Variants in CHRNA7 observed in about 807,000 individuals in gnomAD.
The protein encoded by CHRNA7 is neuronal acetylcholine receptor subunit alpha-7.
Under a neutral mutation model 48.0 loss-of-function variants are expected in CHRNA7, and 17 were observed. The observed-to-expected ratio is 0.35, with a 90% CI of 0.24 to 0.53. CHRNA7 has a LOEUF of 0.53. CHRNA7 is among the 20% of genes least tolerant of loss of function. CHRNA7 has a pLI of 0.92. For synonymous variants in CHRNA7, 75 were observed against 242.3 expected (o/e 0.31, Z 6.41); for missense variants, 155 against 577.7 (o/e 0.27, Z 7.50).
At chr15:32,136,628 T>C (rs564463536) in intron 4 of CHRNA7, among the ~76,000 whole-genome samples, 2 of 152,172 alleles carry the variant, frequency 1.3e-5, no homozygotes, top group Non-Finnish European at 2.9e-5. Context: ...GACGTCAGCT[T>C]TAAGTGAAAT....
At chr15:32,136,672 C>A (rs1159871323) in intron 4 of CHRNA7, among the ~76,000 whole-genome samples, 1 of 151,980 alleles carries the variant, frequency 6.6e-6, no homozygotes, top group Non-Finnish European at 1.5e-5. Context: ...AACCACCAGA[C>A]CAGACACATT....
chr15:32,104,272 G>GC (rs908692238), intron 3 of CHRNA7, among the ~76,000 whole-genome samples: 22 of 150,924 alleles, frequency 1.5e-4, no homozygotes, highest in South Asian at 6.3e-4. Flanking sequence ...CCGAGCCCGT[G>GC]CCCCCCCCTC....
intron 4 of CHRNA7, among the ~76,000 whole-genome samples, chr15:32,147,507 C>T (rs1057146715): frequency 6.6e-6 from 1 of 152,116 alleles, no homozygotes; most frequent in Non-Finnish European, 1.5e-5. Flanking sequence ...GAGCCACGAT[C>T]GCACCACTGC....
intron 4 of CHRNA7, among the ~76,000 whole-genome samples, chr15:32,126,841 T>C (rs1008929602): frequency 4.6e-5 from 7 of 152,192 alleles, no homozygotes; most frequent in Non-Finnish European, 8.8e-5. Context: ...CTTAAATAAC[T>C]CTAGTGTAAT....
At chr15:32,083,476 A>G (rs907829433) in intron 2 of CHRNA7, among the ~76,000 whole-genome samples, 5 of 152,218 alleles carry the variant, frequency 3.3e-5, no homozygotes, top group African/African-American at 1.2e-4. Context: ...AAAACAGACC[A>G]AGACACTTTA....
At chr15:32,096,597 A>G (rs952143375) in intron 2 of CHRNA7, among the ~76,000 whole-genome samples, 1 of 151,820 alleles carries the variant, frequency 6.6e-6, no homozygotes, top group African/African-American at 2.4e-5. Context: ...GGTTAGGTCT[A>G]TTGTTATGTT....
chr15:32,052,515 G>C (rs182935374), intron 2 of CHRNA7, among the ~76,000 whole-genome samples: 2 of 152,204 alleles, frequency 1.3e-5, no homozygotes. Flanking sequence ...TAGATCACAA[G>C]GTCAAGAGAT....
chr15:32,075,249 T>G (rs2050119587), intron 2 of CHRNA7, among the ~76,000 whole-genome samples: 1 of 152,224 alleles, frequency 6.6e-6, no homozygotes, highest in African/African-American at 2.4e-5. Flanking sequence ...TGTTTCCTCT[T>G]TCAAATTGTG....
intron 2 of CHRNA7, among the ~76,000 whole-genome samples, chr15:32,067,172 G>T (rs528570006): frequency 1.3e-5 from 2 of 152,184 alleles, no homozygotes; most frequent in African/African-American, 4.8e-5. Context: ...GTACACATCC[G>T]TAAAGCTTAA....
Position 32,030,632 on chromosome 15 carries a change from C to T in CHRNA7, c.38C>T (p.Ala13Val), listed in dbSNP as rs867720612. The stretch of plus-strand genomic sequence containing the variant: ...CCGGGAGGCGTCTGGCTGGCGCTGG[C>T]CGCGTCGCTCCTGCACGGTAAAGCC... ...CSPGGVWLAL[A>V]ASLLHVSLQG... Residue 13 changes from alanine to valine, a missense_variant, in exon 1 of 10, where the codon GCC becomes GTC. By Grantham distance (64) the Ala-to-Val change is moderately conservative. Transcript: ENST00000306901. The T allele has an allele frequency of 1.9e-6, 3 of 1,571,282 alleles. No individual in the cohort carries two copies. Among genetic ancestry groups the T allele is most frequent in the South Asian group, 1.2e-5 (1 of 86,028 alleles).
At chr15:32,146,999 A>G (rs960059402) in intron 4 of CHRNA7, among the ~76,000 whole-genome samples, 1 of 152,240 alleles carries the variant, frequency 6.6e-6, no homozygotes, top group East Asian at 1.9e-4. Flanking sequence ...TGGGTCAGGG[A>G]TAGACATGTA....
chr15:32,152,506 C>T (rs779413352), intron 4 of CHRNA7, among the ~76,000 whole-genome samples: 8 of 152,086 alleles, frequency 5.3e-5, no homozygotes, highest in Non-Finnish European at 1.2e-4. Context: ...CGCGGGAGGC[C>T]GAGAGAGTGC....
At chr15:32,045,250 T>G (rs1220656295) in intron 2 of CHRNA7, among the ~76,000 whole-genome samples, 1 of 152,188 alleles carries the variant, frequency 6.6e-6, no homozygotes, top group Non-Finnish European at 1.5e-5. Context: ...TGTTACATGG[T>G]CTGTGCTCCT....
At chr15:32,109,301 C>T (rs2050724149) in intron 3 of CHRNA7, among the ~76,000 whole-genome samples, 1 of 152,106 alleles carries the variant, frequency 6.6e-6, no homozygotes, top group African/African-American at 2.4e-5. Flanking sequence ...TGAGGATGAC[C>T]AGAGGTCACT....
At chr15:32,133,124 A>G (rs546577001) in intron 4 of CHRNA7, among the ~76,000 whole-genome samples, 1 of 152,304 alleles carries the variant, frequency 6.6e-6, no homozygotes, top group African/African-American at 2.4e-5. Context: ...CCCTTTCCTC[A>G]TAGGGATGAA....
intron 4 of CHRNA7, among the ~76,000 whole-genome samples, chr15:32,128,419 A>G (rs1197055969): frequency 6.6e-6 from 1 of 151,774 alleles, no homozygotes; most frequent in Admixed American, 6.6e-5. Flanking sequence ...TGATCATGGT[A>G]TGTCCCTCTT....
chr15:32,124,099 C>G (rs1220752567), intron 4 of CHRNA7, among the ~76,000 whole-genome samples: 1 of 151,904 alleles, frequency 6.6e-6, no homozygotes, highest in Non-Finnish European at 1.5e-5. Flanking sequence ...AAAACAGACT[C>G]CTAGATGGGT....
At chr15:32,124,835 G>A (rs905541923) in intron 4 of CHRNA7, among the ~76,000 whole-genome samples, 1 of 152,196 alleles carries the variant, frequency 6.6e-6, no homozygotes, top group African/African-American at 2.4e-5. Flanking sequence ...TATAAGAAGA[G>A]ACACAAGGGC....
chr15:32,030,484 C>G, upstream of CHRNA7: 1 of 1,132,104 alleles, frequency 8.8e-7, no homozygotes, highest in Non-Finnish European at 1.1e-6. Context: ...GCGCCCGGCT[C>G]CTTAAAGGCG....
Sources: gnomAD v4.1 joint callset for allele counts (sites outside exome capture counted in the v4.1 genomes callset) on GRCh38, gnomAD v4.1.1 for gene constraint, MANE v1.5 for transcripts, NCBI Gene and HGNC (gene_info 2026-07-23, HGNC 2026-07-21) for gene names.